Variants in AKAP19 observed in about 807,000 individuals in gnomAD.
AKAP19 encodes A-kinase anchoring protein 19.
chr2:190,117,508 C>T, the AKAP19 span, among the ~76,000 whole-genome samples: 1 of 152,092 alleles, frequency 6.6e-6, no homozygotes, highest in Non-Finnish European at 1.5e-5. Context: ...CTTAGAGTTT[C>T]GCAATACATG....
chr2:189,919,174 A>G, the AKAP19 span, among the ~76,000 whole-genome samples: 1 of 152,206 alleles, frequency 6.6e-6, no homozygotes, highest in Admixed American at 6.5e-5. Flanking sequence ...ACTACTGTAT[A>G]TGAAACTTCC....
the AKAP19 span, among the ~76,000 whole-genome samples, chr2:189,952,639 A>G: frequency 6.6e-6 from 1 of 152,218 alleles, no homozygotes; most frequent in Admixed American, 6.5e-5. Context: ...CAATATCTAA[A>G]AATATTCTGT....
the AKAP19 span, among the ~76,000 whole-genome samples, chr2:189,965,952 ATGTGTGTGTGTG>A: frequency 6.7e-6 from 1 of 149,814 alleles, no homozygotes; most frequent in Admixed American, 6.7e-5. Flanking sequence ...GTATGTATGT[ATGTGTGTGTGTG>A]TGTGTGTATG....
At chr2:189,936,970 C>T in the AKAP19 span, among the ~76,000 whole-genome samples, 1 of 151,804 alleles carries the variant, frequency 6.6e-6, no homozygotes, top group Non-Finnish European at 1.5e-5. Flanking sequence ...TGTCAGTGCA[C>T]AGAAAATAAA....
the AKAP19 span, among the ~76,000 whole-genome samples, chr2:190,018,335 AT>A: frequency 6.8e-6 from 1 of 148,130 alleles, no homozygotes; most frequent in African/African-American, 2.5e-5. Flanking sequence ...TTCCTTCTTA[AT>A]TTTTTTTTCG....
At chr2:190,003,844 G>A in the AKAP19 span, among the ~76,000 whole-genome samples, 6 of 151,868 alleles carry the variant, frequency 4.0e-5, no homozygotes, top group Non-Finnish European at 7.4e-5. Context: ...TCCAGCCTGG[G>A]CGACAGAGTG....
the AKAP19 span, among the ~76,000 whole-genome samples, chr2:190,038,934 CTT>C: frequency 4.1e-4 from 58 of 140,506 alleles, 1 homozygote; most frequent in African/African-American, 1.7e-3. Context: ...TCTTCTTCTT[CTT>C]CTTCTTCTTC....
At chr2:190,038,653 C>T in the AKAP19 span, among the ~76,000 whole-genome samples, 2 of 152,186 alleles carry the variant, frequency 1.3e-5, no homozygotes, top group African/African-American at 4.8e-5. Context: ...CGCTCCCTCT[C>T]ACTTTCTCCA....
the AKAP19 span, among the ~76,000 whole-genome samples, chr2:189,973,937 G>C: frequency 1.3e-5 from 2 of 152,042 alleles, no homozygotes; most frequent in South Asian, 4.1e-4. Flanking sequence ...CCAACTCCTG[G>C]ATTCATTGAT....
At chr2:189,951,240 C>T in the AKAP19 span, among the ~76,000 whole-genome samples, 2 of 137,822 alleles carry the variant, frequency 1.5e-5, no homozygotes, top group Non-Finnish European at 3.0e-5. Flanking sequence ...CTTGCATCTT[C>T]CCCCAGGCTG....
chr2:190,020,697 A>G, the AKAP19 span, among the ~76,000 whole-genome samples: 1 of 152,152 alleles, frequency 6.6e-6, no homozygotes, highest in African/African-American at 2.4e-5. Flanking sequence ...TATCTCCAGA[A>G]CTTTTTCATC....
the AKAP19 span, among the ~76,000 whole-genome samples, chr2:189,937,719 T>C: frequency 0.057 from 8,685 of 152,200 alleles, 821 homozygotes; most frequent in African/African-American, 0.19. Flanking sequence ...TATCATCTCA[T>C]GCCAGTTAAA....
chr2:190,122,762 G>C, the AKAP19 span, among the ~76,000 whole-genome samples: 3 of 151,058 alleles, frequency 2.0e-5, no homozygotes, highest in South Asian at 2.1e-4. Flanking sequence ...TATTGACATG[G>C]TAATGCTCAG....
At chr2:189,989,444 A>G in the AKAP19 span, among the ~76,000 whole-genome samples, 4 of 152,166 alleles carry the variant, frequency 2.6e-5, no homozygotes, top group Non-Finnish European at 4.4e-5. Flanking sequence ...AAAATTAAAA[A>G]AAAAGAAATG....
At chr2:190,016,698 G>A in the AKAP19 span, among the ~76,000 whole-genome samples, 3 of 152,148 alleles carry the variant, frequency 2.0e-5, no homozygotes, top group African/African-American at 7.2e-5. Context: ...TTGTTTTGTG[G>A]CCTAACATAT....
the AKAP19 span, among the ~76,000 whole-genome samples, chr2:190,192,446 C>G: frequency 7.5e-6 from 1 of 132,886 alleles, no homozygotes; most frequent in Non-Finnish European, 1.6e-5. Flanking sequence ...ATGTATAATT[C>G]AGAATCTGTG....
At chr2:190,159,913 C>T in the AKAP19 span, among the ~76,000 whole-genome samples, 1 of 152,162 alleles carries the variant, frequency 6.6e-6, no homozygotes, top group African/African-American at 2.4e-5. Context: ...CTATTATGAA[C>T]TAGAATTTGC....
chr2:189,923,939 G>A, the AKAP19 span: 1 of 1,610,766 alleles, frequency 6.2e-7, no homozygotes, highest in Non-Finnish European at 8.5e-7. Flanking sequence ...GGAAAACCTG[G>A]AAAAAATTGA....
At chr2:189,930,846 G>C in the AKAP19 span, 4 of 759,486 alleles carry the variant, frequency 5.3e-6, no homozygotes, top group Non-Finnish European at 9.7e-6. Flanking sequence ...GTTAGGATAG[G>C]TGTTTGCTAG....
Sources: gnomAD v4.1 joint callset for allele counts (sites outside exome capture counted in the v4.1 genomes callset) on GRCh38, gnomAD v4.1.1 for gene constraint, MANE v1.5 for transcripts, NCBI Gene and HGNC (gene_info 2026-07-23, HGNC 2026-07-21) for gene names.